The following SCPEP1 variants were observed in gnomAD, a reference collection of about 807,000 sequenced individuals.
The protein encoded by SCPEP1 is serine carboxypeptidase 1, also known as retinoid-inducible serine carboxypeptidase.
In SCPEP1, 51 loss-of-function variants were observed where a neutral mutation model predicts 63.8. That is an observed-to-expected ratio of 0.80 (90% confidence interval 0.64 to 1.01). The LOEUF (loss-of-function observed/expected upper bound fraction) is 1.01. Among genes scored for constraint, SCPEP1 ranks in the 50% least tolerant of loss-of-function variants. The pLI is 0.00. For synonymous variants in SCPEP1, 204 were observed against 207.8 expected (o/e 0.98, Z 0.16); for missense variants, 499 against 554.9 (o/e 0.90, Z 1.01).
intron 3 of SCPEP1, among the ~76,000 whole-genome samples, chr17:56,986,174 GCTC>G (rs1911211435): frequency 6.6e-6 from 1 of 151,542 alleles, no homozygotes; most frequent in South Asian, 2.1e-4. Context: ...TTTCCTCAGT[GCTC>G]CTCCTCCAGC....
At chr17:56,985,688 C>T (rs899642842) in intron 3 of SCPEP1, among the ~76,000 whole-genome samples, 3 of 152,110 alleles carry the variant, frequency 2.0e-5, no homozygotes, top group Non-Finnish European at 4.4e-5. Context: ...TCGCCTTCTC[C>T]AAAACAACCC....
rs757659897 is a variant in SCPEP1 at position 56,981,269 on chromosome 17, A to T, written c.225+39A>T. On this transcript the variant is annotated intron_variant, in intron 2 of 12. Transcript: ENST00000262288. ...CCAGCCTGGCCTGAGGTCAAAGCCA[A>T]GTCTCCTCTGTGTGGCTCTTTGCTT... 3 of 1,611,918 alleles carry T rather than the reference A, an allele frequency of 1.9e-6. No individual in the cohort carries two copies. The South Asian group carries it at 3.3e-5, about 18-fold the overall frequency.
intron 6 of SCPEP1, among the ~76,000 whole-genome samples, chr17:56,991,563 GTGTT>G (rs1281283596): frequency 6.6e-6 from 1 of 152,188 alleles, no homozygotes; most frequent in Non-Finnish European, 1.5e-5. Flanking sequence ...GCTGACATAA[GTGTT>G]TGGGGTAAAA....
At chr17:56,993,479 T>G (rs1460293129) in intron 6 of SCPEP1, among the ~76,000 whole-genome samples, 1 of 152,236 alleles carries the variant, frequency 6.6e-6, no homozygotes, top group Non-Finnish European at 1.5e-5. Flanking sequence ...GTTTTGCTCT[T>G]GTTGCCCAGA....
chr17:56,978,844 GT>G (rs1910989691), intron 1 of SCPEP1, among the ~76,000 whole-genome samples: 2 of 152,204 alleles, frequency 1.3e-5, no homozygotes, highest in Admixed American at 6.5e-5. Context: ...TAGGCAAGTT[GT>G]TGAACAGTTT....
chr17:56,989,132 G>A (rs1911310939), intron 5 of SCPEP1, among the ~76,000 whole-genome samples: 1 of 152,172 alleles, frequency 6.6e-6, no homozygotes. Context: ...TGAAGCTGCA[G>A]TGAGCTGTGA....
intron 6 of SCPEP1, among the ~76,000 whole-genome samples, chr17:56,993,530 G>A (rs528582078): frequency 2.6e-5 from 4 of 152,232 alleles, no homozygotes; most frequent in South Asian, 4.1e-4. Flanking sequence ...TGCAACCTCC[G>A]CCTCCCAGGT....
At chr17:56,985,186 G>A (rs971030901) in intron 2 of SCPEP1, 192 bp from the exon 3 acceptor site, 4 of 610,112 alleles carry the variant, frequency 6.6e-6, no homozygotes, top group African/African-American at 1.9e-5. Context: ...GCTCCTTTCA[G>A]AGAAAAACCT....
At chr17:57,003,126 G>A (rs1361587818) in intron 12 of SCPEP1, among the ~76,000 whole-genome samples, 8 of 152,050 alleles carry the variant, frequency 5.3e-5, no homozygotes, top group South Asian at 2.1e-4. Flanking sequence ...CACGTGATGC[G>A]TAGGAGTGAT....
At chr17:56,995,733 G>T (rs958920807) in intron 8 of SCPEP1, 98 bp downstream of exon 8, 64 of 1,282,220 alleles carry the variant, frequency 5.0e-5, no homozygotes, top group Admixed American at 1.7e-4. Flanking sequence ...CTACACTGAG[G>T]CTCCCCACAT....
chr17:56,979,379 G>C (rs1447455806), intron 1 of SCPEP1, among the ~76,000 whole-genome samples: 1 of 152,038 alleles, frequency 6.6e-6, no homozygotes, highest in Non-Finnish European at 1.5e-5. Context: ...TGACCAATGG[G>C]GCTTGAAATT....
intron 10 of SCPEP1, among the ~76,000 whole-genome samples, chr17:56,999,995 A>T (rs2144506005): frequency 1.3e-5 from 2 of 151,250 alleles, no homozygotes; most frequent in East Asian, 3.9e-4. Flanking sequence ...AAAAAAAAAA[A>T]AAAAAAGAGC....
intron 6 of SCPEP1, among the ~76,000 whole-genome samples, chr17:56,994,163 T>C (rs570940528): frequency 1.3e-5 from 2 of 152,210 alleles, no homozygotes; most frequent in African/African-American, 2.4e-5. Context: ...ATGGACTTAG[T>C]TCCTGCAGAA....
intron 10 of SCPEP1, 45 bp from the exon 11 acceptor site, chr17:57,000,810 T>C (rs1210521745): frequency 1.9e-6 from 3 of 1,611,646 alleles, no homozygotes; most frequent in Non-Finnish European, 1.7e-6. Context: ...CCTCCTGTTT[T>C]GGCAGATTCC....
intron 4 of SCPEP1, 57 bp from the exon 5 acceptor site, chr17:56,988,159 G>T: frequency 7.4e-7 from 1 of 1,342,686 alleles, no homozygotes; most frequent in Non-Finnish European, 1.0e-6. Flanking sequence ...AAATTAATTT[G>T]TGTGACTCAA....
At position 56,991,473 on chromosome 17, in the gene SCPEP1, T is replaced by C. The variant is rs1311333643; in HGVS notation, c.619+302T>C. 1.3e-5 allele frequency among the ~76,000 whole-genome samples: 2 copies of C among 152,198 alleles called. 1 individual carries two copies. The highest frequency in any genetic ancestry group is 3.9e-4 in the East Asian group (2 of 5,190). On this transcript the variant is annotated intron_variant, in intron 6 of 12. Coordinates refer to ENST00000262288, the MANE Select transcript of SCPEP1 (RefSeq NM_021626.3). ...CTGCCACGTAGGATGAGTGGCCTAG[T>C]CAGGATTCAAATCCAGGTCTGTGCT...
intron 5 of SCPEP1, among the ~76,000 whole-genome samples, chr17:56,989,359 GT>G (rs1911316727): frequency 6.6e-6 from 1 of 152,150 alleles, no homozygotes; most frequent in African/African-American, 2.4e-5. Flanking sequence ...ATAACACCCA[GT>G]TTTGGTAAGA....
chr17:56,983,615 T>C (rs1450984550), intron 2 of SCPEP1: 1 of 152,234 alleles, frequency 6.6e-6, no homozygotes, highest in Non-Finnish European at 1.5e-5. Flanking sequence ...TTATTTTTAA[T>C]AGGACTGCGG....
At position 56,987,592 on chromosome 17, in the gene SCPEP1, T is replaced by C. The variant is rs1440837240; in HGVS notation, c.316-103T>C. 3 of 1,059,494 alleles carry C rather than the reference T, an allele frequency of 2.8e-6. No individual in the cohort carries two copies. The Admixed American group carries it at 7.2e-5, about 26-fold the overall frequency. The allele number at this position is 1,059,494 out of a possible 1,614,324, so 65.6% of individuals were successfully genotyped here. On this transcript the variant is annotated intron_variant, in intron 3 of 12. Coordinates refer to ENST00000262288, the MANE Select transcript of SCPEP1 (RefSeq NM_021626.3). ...CAGGGATATCATCACCACGCTGGTA[T>C]CCTCACATGTGTGGGTTTTGCTGAG...
Sources: gnomAD v4.1 joint callset for allele counts (sites outside exome capture counted in the v4.1 genomes callset) on GRCh38, gnomAD v4.1.1 for gene constraint, MANE v1.5 for transcripts, NCBI Gene and HGNC (gene_info 2026-07-23, HGNC 2026-07-21) for gene names.